SYTL3: variants seen among roughly 807,000 people sequenced by gnomAD.
The protein encoded by SYTL3 is synaptotagmin-like protein 3.
SYTL3 carries 88 observed loss-of-function variants against 82.1 expected under a neutral mutation model. The ratio of observed to expected loss-of-function variants is 1.07; its 90% CI spans 0.90 to 1.28. The LOEUF is 1.28. Ranked by LOEUF, SYTL3 falls within the 50% of genes most tolerant of loss-of-function variation. The probability of loss-of-function intolerance (pLI) is 0.00; values close to 1 mark genes in which losing one functional copy is unlikely to be tolerated. For synonymous variants in SYTL3, 311 were observed against 289.4 expected (o/e 1.07, Z -0.76); for missense variants, 831 against 757.6 (o/e 1.10, Z -1.14).
chr6:158,665,658 C>A (rs1167026794), intron 5 of SYTL3, 45 bp downstream of exon 5: 3 of 1,423,376 alleles, frequency 2.1e-6, no homozygotes, highest in Non-Finnish European at 1.9e-6. Context: ...ATTCAGGTCT[C>A]GGAGGAGGCC....
At chr6:158,675,126 C>T (rs1777878527) in intron 5 of SYTL3, among the ~76,000 whole-genome samples, 1 of 152,160 alleles carries the variant, frequency 6.6e-6, no homozygotes, top group Admixed American at 6.5e-5. Context: ...AAGGCTACAC[C>T]TATTTTGGAT....
At chr6:158,732,989 G>T (rs1029245326) in intron 11 of SYTL3, among the ~76,000 whole-genome samples, 1 of 150,616 alleles carries the variant, frequency 6.6e-6, no homozygotes, top group Non-Finnish European at 1.5e-5. Context: ...TCAAAAGGAG[G>T]GAATTGTAGA....
Position 158,708,760 on chromosome 6 carries a change from C to T in SYTL3, c.516+369C>T, listed in dbSNP as rs138094296. 3.2e-4 allele frequency among the ~76,000 whole-genome samples: 49 copies of T among 152,228 alleles called. 1 individual carries two copies. Among genetic ancestry groups the T allele is most frequent in the African/African-American group, 1.1e-3 (45 of 41,544 alleles). On this transcript the variant is annotated intron_variant, in intron 8 of 17. Transcript: ENST00000611299. ...AACGTGTGTGTGAGTGGGAGTGTCT[C>T]TTTTGAGTGTTTGCAGGCTCTGATG...
upstream of SYTL3, among the ~76,000 whole-genome samples, chr6:158,649,174 G>T (rs1161918928): frequency 1.3e-5 from 2 of 152,220 alleles, no homozygotes; most frequent in African/African-American, 4.8e-5. Context: ...TTGGTGCTCA[G>T]TTCTGTGTTT....
intron 2 of SYTL3, among the ~76,000 whole-genome samples, chr6:158,660,782 G>A (rs1789292346): frequency 2.6e-5 from 4 of 152,144 alleles, no homozygotes; most frequent in South Asian, 4.1e-4. Flanking sequence ...AAAAACACTC[G>A]AGAGCCAGGT....
At chr6:158,746,439 T>C (rs1787646921) in intron 12 of SYTL3, among the ~76,000 whole-genome samples, 1 of 122,456 alleles carries the variant, frequency 8.2e-6, no homozygotes, top group Non-Finnish European at 1.7e-5. Context: ...TGTAGCACCA[T>C]TATAATAATA....
At chr6:158,722,367 G>A (rs963733379) in intron 10 of SYTL3, among the ~76,000 whole-genome samples, 1 of 151,994 alleles carries the variant, frequency 6.6e-6, no homozygotes, top group Non-Finnish European at 1.5e-5. Context: ...TTACCATGTT[G>A]CCCAGACTGG....
At chr6:158,709,598 G>A (rs373570626) in intron 8 of SYTL3, among the ~76,000 whole-genome samples, 12 of 152,070 alleles carry the variant, frequency 7.9e-5, no homozygotes, top group Non-Finnish European at 1.2e-4. Flanking sequence ...AAGTGCCATG[G>A]AAATATATTG....
intron 7 of SYTL3, among the ~76,000 whole-genome samples, chr6:158,707,637 C>A (rs1219748596): frequency 6.6e-6 from 1 of 152,198 alleles, no homozygotes; most frequent in Non-Finnish European, 1.5e-5. Flanking sequence ...TAACACCCTA[C>A]CCAGCGCCTG....
intron 6 of SYTL3, among the ~76,000 whole-genome samples, chr6:158,686,646 G>A (rs1213348765): frequency 2.0e-5 from 3 of 152,178 alleles, no homozygotes; most frequent in African/African-American, 7.2e-5. Flanking sequence ...TTGAGGAGTT[G>A]AATTGAATTT....
intron 5 of SYTL3, among the ~76,000 whole-genome samples, chr6:158,677,684 G>A (rs1340341824): frequency 1.0e-5 from 1 of 99,688 alleles, no homozygotes; most frequent in Non-Finnish European, 2.0e-5. Context: ...CAGCCTGGGT[G>A]ACAAGAATGA....
upstream of SYTL3, among the ~76,000 whole-genome samples, chr6:158,645,546 A>C (rs917103737): frequency 6.6e-6 from 1 of 152,200 alleles, no homozygotes; most frequent in Admixed American, 6.6e-5. Flanking sequence ...TCCCCAAGAA[A>C]GAGCTGACTG....
At chr6:158,645,819 A>G (rs535679367), upstream of SYTL3, among the ~76,000 whole-genome samples, 5 of 152,294 alleles carry the variant, frequency 3.3e-5, no homozygotes, top group African/African-American at 4.8e-5. Flanking sequence ...TTGTCAGACT[A>G]TAGACTAATC....
intron 6 of SYTL3, among the ~76,000 whole-genome samples, chr6:158,687,575 G>A (rs988497186): frequency 1.3e-5 from 2 of 152,294 alleles, no homozygotes; most frequent in East Asian, 1.9e-4. Flanking sequence ...GGAGAATGGC[G>A]ACACCTCTCA....
At chr6:158,705,793 G>A (rs1237225246) in intron 6 of SYTL3, among the ~76,000 whole-genome samples, 1 of 152,096 alleles carries the variant, frequency 6.6e-6, no homozygotes, top group East Asian at 1.9e-4. Flanking sequence ...ATGGCTGTAA[G>A]GCCACATAGG....
At chr6:158,658,801 C>A (rs765807576) in intron 2 of SYTL3, among the ~76,000 whole-genome samples, 6 of 152,050 alleles carry the variant, frequency 3.9e-5, no homozygotes, top group African/African-American at 1.4e-4. Context: ...TGGAGGCACA[C>A]GCCTGTAGTC....
At chr6:158,686,578 A>G (rs1779317708) in intron 6 of SYTL3, among the ~76,000 whole-genome samples, 2 of 152,232 alleles carry the variant, frequency 1.3e-5, no homozygotes, top group South Asian at 4.1e-4. Flanking sequence ...TTAGGTGGAC[A>G]GGCAGGAATT....
At chr6:158,700,503 T>A (rs1781064933) in intron 6 of SYTL3, among the ~76,000 whole-genome samples, 1 of 152,178 alleles carries the variant, frequency 6.6e-6, no homozygotes, top group African/African-American at 2.4e-5. Context: ...GTAAGCTAAA[T>A]TGTGCAAAAC....
chr6:158,695,845 C>T (rs1310823963), intron 6 of SYTL3, among the ~76,000 whole-genome samples: 1 of 152,168 alleles, frequency 6.6e-6, no homozygotes, highest in African/African-American at 2.4e-5. Flanking sequence ...TGTTGTAGAG[C>T]ATGTATCAGA....
Sources: gnomAD v4.1 joint callset for allele counts (sites outside exome capture counted in the v4.1 genomes callset) on GRCh38, gnomAD v4.1.1 for gene constraint, MANE v1.5 for transcripts, NCBI Gene and HGNC (gene_info 2026-07-23, HGNC 2026-07-21) for gene names.